Variants in SPATS2 observed in about 807,000 individuals in gnomAD.
SPATS2 encodes the protein spermatogenesis associated serine rich 2, also known as spermatogenesis-associated serine-rich protein 2.
SPATS2 carries 38 observed loss-of-function variants against 63.7 expected under a neutral mutation model. That is an observed-to-expected ratio of 0.60 (90% CI 0.46 to 0.78). The LOEUF (loss-of-function observed/expected upper bound fraction) is 0.78, where lower values mean the gene tolerates loss of function less well. SPATS2 is among the 30% of genes least tolerant of loss of function. SPATS2 has a pLI of 0.00. For synonymous variants in SPATS2, 207 were observed against 232.9 expected, an observed-to-expected ratio of 0.89 and a Z score of 1.01; for missense variants, 588 against 666.2, an observed-to-expected ratio of 0.88 and a Z score of 1.29.
chr12:49,368,125 T>C (rs1399819582), intron 1 of SPATS2, among the ~76,000 whole-genome samples: 1 of 152,196 alleles, frequency 6.6e-6, no homozygotes, highest in East Asian at 1.9e-4. Flanking sequence ...TGGTTAGGAC[T>C]TGGATTAAAG....
chr12:49,524,602 T>C, intron 12 of SPATS2, 80 bp from the exon 13 acceptor site: 1 of 1,426,422 alleles, frequency 7.0e-7, no homozygotes, highest in African/African-American at 1.4e-5. Context: ...AATTGCTCAT[T>C]GTGAAATTGA....
chr12:49,382,962 T>C (rs772105565), intron 2 of SPATS2, among the ~76,000 whole-genome samples: 5 of 151,114 alleles, frequency 3.3e-5, no homozygotes, highest in Non-Finnish European at 5.9e-5. Context: ...ACCTTGGCCT[T>C]TCAAACTGCT....
At chr12:49,391,239 C>T (rs1944412639) in intron 2 of SPATS2, among the ~76,000 whole-genome samples, 1 of 152,142 alleles carries the variant, frequency 6.6e-6, no homozygotes, top group African/African-American at 2.4e-5. Flanking sequence ...ATATGCCGGG[C>T]GCGGTGGCTC....
intron 2 of SPATS2, among the ~76,000 whole-genome samples, chr12:49,452,176 T>G (rs1945634670): frequency 6.6e-6 from 1 of 152,244 alleles, no homozygotes; most frequent in Non-Finnish European, 1.5e-5. Flanking sequence ...TTGTTTTTGG[T>G]CACCATTTTT....
intron 2 of SPATS2, among the ~76,000 whole-genome samples, chr12:49,458,609 C>T (rs1424952283): frequency 6.6e-6 from 1 of 151,968 alleles, no homozygotes; most frequent in African/African-American, 2.4e-5. Flanking sequence ...GTGAACCCCT[C>T]TCTCTACTGA....
intron 2 of SPATS2, among the ~76,000 whole-genome samples, chr12:49,444,410 G>A (rs1195524950): frequency 6.6e-6 from 1 of 151,600 alleles, no homozygotes; most frequent in East Asian, 1.9e-4. Context: ...GTAGAAATGG[G>A]GTCTCGCTTT....
chr12:49,487,634 G>A (rs1223348081), intron 4 of SPATS2, among the ~76,000 whole-genome samples: 3 of 152,114 alleles, frequency 2.0e-5, no homozygotes, highest in Non-Finnish European at 2.9e-5. Context: ...CAGTCTTGCT[G>A]TCACCCAGGC....
chr12:49,421,406 G>T (rs1944979822), intron 2 of SPATS2, among the ~76,000 whole-genome samples: 1 of 81,542 alleles, frequency 1.2e-5, no homozygotes. Flanking sequence ...AACAGAGCAA[G>T]ACTTTGTCTC....
At chr12:49,502,878 TCTC>T (rs1306716198) in intron 9 of SPATS2, among the ~76,000 whole-genome samples, 5 of 152,242 alleles carry the variant, frequency 3.3e-5, no homozygotes, top group African/African-American at 1.2e-4. Context: ...CTGAAAATGT[TCTC>T]CTATTCCTCT....
intron 2 of SPATS2, among the ~76,000 whole-genome samples, chr12:49,410,815 C>A (rs930834311): frequency 2.0e-5 from 3 of 149,624 alleles, no homozygotes; most frequent in African/African-American, 7.4e-5. Context: ...CCAGCATTTT[C>A]TCCACTATAT....
chr12:49,384,205 ATCT>A (rs1177069792), intron 2 of SPATS2, among the ~76,000 whole-genome samples: 3 of 152,266 alleles, frequency 2.0e-5, no homozygotes, highest in East Asian at 3.9e-4. Context: ...GCCTCAAGTA[ATCT>A]TCTTGCCTCG....
At chr12:49,496,807 A>G (rs2137918826) in intron 7 of SPATS2, 26 bp from the exon 8 acceptor site, 3 of 1,610,262 alleles carry the variant, frequency 1.9e-6, no homozygotes, top group East Asian at 4.5e-5. Flanking sequence ...ATTGTGCTCT[A>G]AAGTACAGTC....
At chr12:49,480,635 A>AT (rs1214426356) in intron 3 of SPATS2, among the ~76,000 whole-genome samples, 1 of 152,178 alleles carries the variant, frequency 6.6e-6, no homozygotes, top group Non-Finnish European at 1.5e-5. Context: ...TTTTGTGTGT[A>AT]TACCAAGAAG....
At chr12:49,367,208 G>A (rs1943911814), upstream of SPATS2, 2 of 204,190 alleles carry the variant, frequency 9.8e-6, no homozygotes, top group Non-Finnish European at 9.7e-6. Context: ...CGCACCCGTT[G>A]GCTGCCACAG....
At chr12:49,446,348 G>T (rs2137580760) in intron 2 of SPATS2, among the ~76,000 whole-genome samples, 1 of 152,302 alleles carries the variant, frequency 6.6e-6, no homozygotes, top group Non-Finnish European at 1.5e-5. Flanking sequence ...AGTTTCTGTA[G>T]GTCAGATGTT....
At chr12:49,467,639 C>A (rs904342626) in intron 3 of SPATS2, among the ~76,000 whole-genome samples, 1 of 152,158 alleles carries the variant, frequency 6.6e-6, no homozygotes, top group African/African-American at 2.4e-5. Flanking sequence ...ATATCAGAAT[C>A]ATCTTGAACA....
In SPATS2 at chr12:49,460,988, A is replaced by G. The variant is rs375045443; in HGVS notation, c.-25A>G. 1.1e-4 allele frequency: 181 copies of G among 1,613,332 alleles called. No individual in the cohort carries two copies. Among genetic ancestry groups the G allele is most frequent in the Non-Finnish European group, 1.4e-4 (169 of 1,179,618 alleles). ...AGGCAAAAGGATACTTTTCTTGTAT[A>G]TTTTTTGAGATCGAAGAAACGACAA... On this transcript the variant is annotated 5_prime_UTR_variant, in exon 3 of 14. The change creates a new upstream start codon in the 5' untranslated region. Coordinates refer to ENST00000552918, the MANE Select transcript of SPATS2 (RefSeq NM_023071.4).
At chr12:49,416,146 C>G (rs1213222841) in intron 2 of SPATS2, among the ~76,000 whole-genome samples, 1 of 151,638 alleles carries the variant, frequency 6.6e-6, no homozygotes, top group Admixed American at 6.6e-5. Flanking sequence ...TCCGTTTTAT[C>G]TTTTATGGTT....
chr12:49,515,762 A>G (rs1347238936), intron 10 of SPATS2, among the ~76,000 whole-genome samples: 1 of 152,128 alleles, frequency 6.6e-6, no homozygotes. Flanking sequence ...GCTCACGCAT[A>G]TAATCCCAGC....
Sources: gnomAD v4.1 joint callset for allele counts (sites outside exome capture counted in the v4.1 genomes callset) on GRCh38, gnomAD v4.1.1 for gene constraint, MANE v1.5 for transcripts, NCBI Gene and HGNC (gene_info 2026-07-23, HGNC 2026-07-21) for gene names.